Variants in FGFR2 observed in about 807,000 individuals in gnomAD.
FGFR2 encodes the protein BEK fibroblast growth factor receptor.
Under a neutral mutation model 95.9 loss-of-function variants are expected in FGFR2, and 19 were observed. That is an observed-to-expected ratio of 0.20 (90% CI 0.14 to 0.29). The LOEUF (loss-of-function observed/expected upper bound fraction) is 0.29, where lower values mean the gene tolerates loss of function less well. Among genes scored for constraint, FGFR2 ranks in the 10% least tolerant of loss-of-function variants. The probability of loss-of-function intolerance (pLI) is 1.00; values close to 1 mark genes in which losing one functional copy is unlikely to be tolerated. For synonymous variants in FGFR2, 392 were observed against 393.3 expected, an observed-to-expected ratio of 1.00 and a Z score of 0.04; for missense variants, 707 against 1,056.9, an observed-to-expected ratio of 0.67 and a Z score of 4.59.
At chr10:121,551,081 A>G (rs1855326986) in intron 5 of FGFR2, among the ~76,000 whole-genome samples, 1 of 152,078 alleles carries the variant, frequency 6.6e-6, no homozygotes, top group African/African-American at 2.4e-5. Flanking sequence ...TTAGCGAGGC[A>G]TGGTGGCACA....
At chr10:121,505,743 A>C (rs962129673) in intron 9 of FGFR2, among the ~76,000 whole-genome samples, 1 of 152,208 alleles carries the variant, frequency 6.6e-6, no homozygotes, top group Non-Finnish European at 1.5e-5. Context: ...TCTGCGGGAC[A>C]CATCAGAAGC....
chr10:121,512,204 G>A (rs1354721782), intron 9 of FGFR2, among the ~76,000 whole-genome samples: 1 of 152,182 alleles, frequency 6.6e-6, no homozygotes, highest in Non-Finnish European at 1.5e-5. Flanking sequence ...CATCCCTGTG[G>A]TATTTGCTCT....
chr10:121,486,995 G>A (rs989278920), intron 15 of FGFR2, among the ~76,000 whole-genome samples: 6 of 152,192 alleles, frequency 3.9e-5, no homozygotes, highest in African/African-American at 7.2e-5. Flanking sequence ...CAAACTACTC[G>A]TAAGTGGGAA....
At chr10:121,521,628 G>GAC (rs1205766952) in intron 6 of FGFR2, among the ~76,000 whole-genome samples, 2 of 137,124 alleles carry the variant, frequency 1.5e-5, no homozygotes, top group African/African-American at 5.3e-5. Context: ...GCTATCACAT[G>GAC]ACACCTGTCA....
chr10:121,533,371 C>A (rs1415448872), intron 6 of FGFR2, among the ~76,000 whole-genome samples: 1 of 152,164 alleles, frequency 6.6e-6, no homozygotes, highest in African/African-American at 2.4e-5. Context: ...GCCTGGGCAA[C>A]AAAGCAAGAC....
At chr10:121,541,213 G>T in intron 5 of FGFR2, among the ~76,000 whole-genome samples, 1 of 152,182 alleles carries the variant, frequency 6.6e-6, no homozygotes, top group East Asian at 1.9e-4. Context: ...GATCAATATT[G>T]CCCCATGCAG....
At chr10:121,480,863 G>A (rs551711624) in intron 17 of FGFR2, among the ~76,000 whole-genome samples, 1 of 152,028 alleles carries the variant, frequency 6.6e-6, no homozygotes, top group Non-Finnish European at 1.5e-5. Context: ...GCCCACAGAC[G>A]ACTTTGTATG....
chr10:121,487,925 T>C lies in FGFR2; in HGVS notation c.1986+66A>G. On this transcript the variant is annotated intron_variant, in intron 14 of 17. Transcript: ENST00000358487. ...CACCCAGCTCTCAACATTGACGGCCTTTCTTCCTGGAACATTCTGAGCCTC... is the reference window on the plus strand; with the variant it reads ...CACCCAGCTCTCAACATTGACGGCCCTTCTTCCTGGAACATTCTGAGCCTC... 1.9e-6 allele frequency: 3 copies of C among 1,608,710 alleles called. No individual in the cohort carries two copies. The Admixed American group carries it at 5.0e-5, about 27-fold the overall frequency.
chr10:121,555,682 A>G (rs1406370651), intron 4 of FGFR2, among the ~76,000 whole-genome samples: 1 of 152,208 alleles, frequency 6.6e-6, no homozygotes, highest in African/African-American at 2.4e-5. Flanking sequence ...CTGGTTAAAG[A>G]ACAGTCAGAC....
Position 121,518,008 on chromosome 10 carries a change from T to C in FGFR2, c.940-545A>G, listed in dbSNP as rs745604961. The C allele has an allele frequency of 5.0e-4, 240 of 482,758 alleles. No individual in the cohort carries two copies. Among genetic ancestry groups the C allele is most frequent in the Admixed American group, 1.7e-3 (71 of 40,898 alleles). 29.9% of individuals were successfully genotyped at this position (482,758 alleles called of 1,614,324 possible). ...TTACTTCTGCGATACCATCTTGCCCTACATAGCATTGACAAAAAGAAATGG... is the reference window on the plus strand; with the variant it reads ...TTACTTCTGCGATACCATCTTGCCCCACATAGCATTGACAAAAAGAAATGG... On this transcript the variant is annotated intron_variant, in intron 7 of 17. Coordinates refer to ENST00000358487, the MANE Select transcript of FGFR2 (RefSeq NM_000141.5). This position sits in a 1 kb window ranked among gnomAD's most constrained non-coding sequence, Gnocchi z 4.0.
At chr10:121,553,566 G>T (rs550674076) in intron 4 of FGFR2, among the ~76,000 whole-genome samples, 1 of 152,202 alleles carries the variant, frequency 6.6e-6, no homozygotes, top group Non-Finnish European at 1.5e-5. Flanking sequence ...ACACAAAGAC[G>T]TTTACAAATC....
In FGFR2 at chr10:121,480,027, A is replaced by C; in HGVS notation, c.2302-6T>G. The C allele has an allele frequency of 6.2e-7, 1 of 1,613,192 alleles. No individual in the cohort carries two copies. Among genetic ancestry groups the C allele is most frequent in the Non-Finnish European group, 8.5e-7 (1 of 1,179,110 alleles). ...TGGCTGAGGTCCAAGTATTCCTGAAAGAAGGGAAGAGAGACGTTTTATTTC... is the reference window on the plus strand; with the variant it reads ...TGGCTGAGGTCCAAGTATTCCTGAACGAAGGGAAGAGAGACGTTTTATTTC... On this transcript the variant is annotated splice_region_variant and splice_polypyrimidine_tract_variant and intron_variant, in intron 17 of 17. Coordinates refer to ENST00000358487, the MANE Select transcript of FGFR2 (RefSeq NM_000141.5).
Position 121,485,338 on chromosome 10 carries a change from G to A in FGFR2, c.2195+57C>T, listed in dbSNP as rs2133791282. ...TCAAAAACGAGATACATCAGGAGAG[G>A]TATTACTGGTGTGGCAAGTCCACTG... On this transcript the variant is annotated intron_variant, in intron 16 of 17. Coordinates refer to ENST00000358487, the MANE Select transcript of FGFR2 (RefSeq NM_000141.5). The surrounding 1 kb of genome is among the most constrained non-coding windows in gnomAD (Gnocchi z 4.2). 3 of 1,611,258 alleles carry A rather than the reference G, an allele frequency of 1.9e-6. No homozygotes were observed. In the South Asian group the frequency reaches 3.3e-5, roughly 18 times the overall value.
intron 13 of FGFR2, among the ~76,000 whole-genome samples, chr10:121,493,400 G>C (rs531983106): frequency 6.6e-6 from 1 of 152,084 alleles, no homozygotes. Context: ...TCAGGGCTAG[G>C]GTGGGCAGGG....
chr10:121,580,652 T>G (rs1012098254), intron 2 of FGFR2, among the ~76,000 whole-genome samples: 1 of 152,070 alleles, frequency 6.6e-6, no homozygotes, highest in Non-Finnish European at 1.5e-5. Flanking sequence ...GCCACAGGGA[T>G]CACTTTTCTC....
At chr10:121,525,777 T>C (rs573294107) in intron 6 of FGFR2, among the ~76,000 whole-genome samples, 2 of 152,306 alleles carry the variant, frequency 1.3e-5, no homozygotes, top group South Asian at 4.2e-4. Context: ...TGCTCTGACA[T>C]AGCAAAGGCC....
chr10:121,530,852 T>C (rs1851989323), intron 6 of FGFR2, among the ~76,000 whole-genome samples: 1 of 152,254 alleles, frequency 6.6e-6, no homozygotes, highest in Non-Finnish European at 1.5e-5. Context: ...ACACTCTTAC[T>C]GCCATCACTA....
chr10:121,480,277 T>C, intron 17 of FGFR2: 2 of 540,206 alleles, frequency 3.7e-6, no homozygotes, highest in Non-Finnish European at 6.7e-6. Flanking sequence ...CCCCAGGCTG[T>C]CCTTAGCTTT....
intron 3 of FGFR2, 68 bp from the exon 4 acceptor site, chr10:121,564,647 A>G: frequency 7.2e-7 from 1 of 1,389,286 alleles, no homozygotes; most frequent in Non-Finnish European, 1.0e-6. Flanking sequence ...ATTATCTACA[A>G]CTGAGACCTT....
Sources: allele counts gnomAD v4.1 joint callset (sites outside exome capture counted in the v4.1 genomes callset), GRCh38; gene constraint gnomAD v4.1.1; non-coding constraint Gnocchi (gnomAD v3.1); transcripts MANE v1.5; gene names NCBI Gene and HGNC (gene_info 2026-07-23, HGNC 2026-07-21).